The following PCDHGA9 variants were observed in gnomAD, a reference collection of about 807,000 sequenced individuals.
PCDHGA9 encodes protocadherin gamma subfamily A, 9.
A neutral mutation model predicts 62.5 loss-of-function variants in PCDHGA9; 37 were observed. That is an observed-to-expected ratio of 0.59 (90% CI 0.46 to 0.78). The LOEUF (loss-of-function observed/expected upper bound fraction) is 0.78, where lower values mean the gene tolerates loss of function less well. Among genes scored for constraint, PCDHGA9 ranks in the 30% least tolerant of loss-of-function variants. The pLI is 0.00. For missense variants in PCDHGA9, 1,138 were observed against 1,166.2 expected, an observed-to-expected ratio of 0.98 and a Z score of 0.35; for synonymous variants, 459 against 484.6, an observed-to-expected ratio of 0.95 and a Z score of 0.69.
intron 3 of PCDHGA9, chr5:141,506,958 A>C (rs529190059): frequency 1.6e-3 from 239 of 152,280 alleles, no homozygotes; most frequent in African/African-American, 5.5e-3. Flanking sequence ...GAATCCTCTC[A>C]ATAGCTCTGC....
In PCDHGA9 at chr5:141,476,303, G is replaced by T. The variant is rs747567754; in HGVS notation, c.2425-18504G>T. ...TGGTTTGGATCTCGGTAGCCTCTCA[G>T]CCCGCAGGTTCCGGGTGGTGTCTGG... is the stretch of plus-strand genomic sequence containing the variant. On this transcript the variant is annotated intron_variant, in intron 1 of 3. Coordinates refer to ENST00000573521, the MANE Select transcript of PCDHGA9 (RefSeq NM_018921.3). The surrounding 1 kb of genome is among the most constrained non-coding windows in gnomAD (Gnocchi z 7.6). 6.2e-7 allele frequency: 1 copy of T among 1,613,872 alleles called. No individual in the cohort carries two copies. Among genetic ancestry groups the T allele is most frequent in the Admixed American group, 1.7e-5 (1 of 60,000 alleles).
intron 1 of PCDHGA9, among the ~76,000 whole-genome samples, chr5:141,482,179 G>A (rs1398839482): frequency 6.6e-6 from 1 of 152,040 alleles, no homozygotes; most frequent in Non-Finnish European, 1.5e-5. Flanking sequence ...AAGGCTTTAC[G>A]ATGCTCCAGT....
intron 1 of PCDHGA9, among the ~76,000 whole-genome samples, chr5:141,466,558 C>T (rs1407160827): frequency 6.6e-6 from 1 of 152,120 alleles, no homozygotes; most frequent in Non-Finnish European, 1.5e-5. Flanking sequence ...CTGTGGGCTT[C>T]ATCTTCAACA....
intron 1 of PCDHGA9, among the ~76,000 whole-genome samples, chr5:141,484,821 G>A (rs1367529999): frequency 6.6e-6 from 1 of 152,122 alleles, no homozygotes; most frequent in Admixed American, 6.5e-5. Context: ...CGTTGAGCGG[G>A]AGGAAGGCGA....
At chr5:141,419,620 G>A (rs776986192) in intron 1 of PCDHGA9, 9 of 1,612,304 alleles carry the variant, frequency 5.6e-6, no homozygotes, top group Non-Finnish European at 7.6e-6. Context: ...CAGGCTACCT[G>A]GTGACCAAGG....
Position 141,403,639 on chromosome 5 carries a change from T to C in PCDHGA9, c.687T>C (p.His229=), listed in dbSNP as rs377402370. Residue 229 remains histidine, a synonymous_variant, in exon 1 of 4, where the codon CAT becomes CAC. Coordinates refer to ENST00000573521, the MANE Select transcript of PCDHGA9 (RefSeq NM_018921.3). ...GTCGCTCCAGCACAGTGCGCATCCA[T>C]GTGACAGTGTTGGATACAAATGATA... ...EPRRSSTVRI[H]VTVLDTNDNA... 1.4e-4 allele frequency: 219 copies of C among 1,613,892 alleles called. 1 individual carries two copies. The East Asian group carries it at 4.5e-3, about 33-fold the overall frequency.
chr5:141,476,950 A>T lies in PCDHGA9; in HGVS notation c.2425-17857A>T, dbSNP rs1224572890. 2 of 1,614,158 alleles carry T rather than the reference A, an allele frequency of 1.2e-6. No homozygotes were observed. The highest frequency in any genetic ancestry group is 4.5e-5 in the East Asian group (2 of 44,878). ...ATCTGGATGAAGGCCCCAACGGTGA[A>T]ATTATTTACTCCTTCGGCAGCCACA... On this transcript the variant is annotated intron_variant, in intron 1 of 3. Transcript: ENST00000573521. The surrounding 1 kb of genome is among the most constrained non-coding windows in gnomAD (Gnocchi z 7.6).
rs2099629299 is a variant in PCDHGA9, at chr5:141,486,426, A to G, written c.2425-8381A>G. ...GCTGGACCCTTGGATCGAGAGGCCA[A>G]ATCTAGCTATGACATCATGGTCACT... On this transcript the variant is annotated intron_variant, in intron 1 of 3. Transcript: ENST00000573521. The surrounding 1 kb of genome is among the most constrained non-coding windows in gnomAD (Gnocchi z 5.0). 1.9e-6 allele frequency: 3 copies of G among 1,614,190 alleles called. No individual in the cohort carries two copies. Among genetic ancestry groups the G allele is most frequent in the Non-Finnish European group, 2.5e-6 (3 of 1,180,026 alleles).
At chr5:141,428,255 G>C in intron 1 of PCDHGA9, 1 of 875,580 alleles carries the variant, frequency 1.1e-6, no homozygotes, top group Non-Finnish European at 1.8e-6. Flanking sequence ...CCAGACTTCA[G>C]TGACAGTCCT....
chr5:141,408,211 G>A (rs1285774248), intron 1 of PCDHGA9: 1 of 1,554,426 alleles, frequency 6.4e-7, no homozygotes, highest in South Asian at 1.2e-5. Flanking sequence ...CGATGGGAGG[G>A]AGCTGCGCGC....
At chr5:141,427,923 C>T (rs2097089935) in intron 1 of PCDHGA9, 3 of 1,580,656 alleles carry the variant, frequency 1.9e-6, no homozygotes, top group African/African-American at 1.3e-5. Context: ...CATGAGCCGG[C>T]GCATGTTGGT....
intron 1 of PCDHGA9, among the ~76,000 whole-genome samples, chr5:141,406,226 A>G (rs888434232): frequency 4.6e-5 from 7 of 152,108 alleles, no homozygotes; most frequent in African/African-American, 1.7e-4. Flanking sequence ...TGGGAGGGCT[A>G]GCAAGCTATG....
intron 1 of PCDHGA9, among the ~76,000 whole-genome samples, chr5:141,433,534 C>T (rs2097618995): frequency 6.6e-6 from 1 of 152,088 alleles, no homozygotes; most frequent in Admixed American, 6.5e-5. Context: ...GTGCCCCGCC[C>T]TTATCAGATA....
rs900884760 is a variant in PCDHGA9, at chr5:141,414,031, C to T, written c.2424+8655C>T. ...CAATGGAGAAGTGACATATTCATTC[C>T]GAAAATTACCTGACACGCAATTGTT... On this transcript the variant is annotated intron_variant, in intron 1 of 3. Coordinates refer to ENST00000573521, the MANE Select transcript of PCDHGA9 (RefSeq NM_018921.3). 4 of 1,611,858 alleles carry T rather than the reference C, an allele frequency of 2.5e-6. No homozygotes were observed. The Admixed American group carries it at 6.7e-5, about 27-fold the overall frequency.
intron 3 of PCDHGA9, among the ~76,000 whole-genome samples, chr5:141,506,444 CA>C (rs1219684339): frequency 0.54 from 51,660 of 95,006 alleles, 10,715 homozygotes; most frequent in African/African-American, 0.61. Context: ...CGCTCTGTCT[CA>C]AAAAAAAAAA....
rs769187557 is a variant in PCDHGA9, at chr5:141,433,087, A to C, written c.2424+27711A>C. 2.5e-6 allele frequency: 4 copies of C among 1,614,206 alleles called. No homozygotes were observed. In the Admixed American group the frequency reaches 6.7e-5, roughly 27 times the overall value. On this transcript the variant is annotated intron_variant, in intron 1 of 3. Transcript: ENST00000573521. The stretch of plus-strand genomic sequence containing the variant: ...TGATCTTCCCCCAGCCCAACTATGC[A>C]GACATGCTCGTCAGCCAGGAGAGCT...
chr5:141,413,725 C>A, intron 1 of PCDHGA9: 1 of 1,613,546 alleles, frequency 6.2e-7, no homozygotes, highest in Non-Finnish European at 8.5e-7. Flanking sequence ...GCACTTCTCC[C>A]TAAGAGTTCA....
chr5:141,403,092 A>G lies in PCDHGA9; in HGVS notation c.140A>G (p.Asn47Ser), dbSNP rs764199669. The G allele has an allele frequency of 6.2e-7, 1 of 1,614,086 alleles. No individual in the cohort carries two copies. The highest frequency in any genetic ancestry group is 2.2e-5 in the East Asian group (1 of 44,886). ...EETEKGYIVG[N>S]ISKDLALEPR... is the part of the protein sequence containing the mutation. ...ACAGAAAAGGGCTATATTGTGGGCA[A>G]CATCTCCAAGGACCTGGCTCTGGAG... The change falls in exon 1 of 4, where the codon AAC becomes AGC. Residue 47 changes from asparagine (N) to serine (S), a missense_variant. Physicochemically the swap from Asn to Ser is conservative, Grantham distance 46. Coordinates refer to ENST00000573521, the MANE Select transcript of PCDHGA9 (RefSeq NM_018921.3).
intron 1 of PCDHGA9, chr5:141,408,156 T>C: frequency 6.6e-7 from 1 of 1,512,436 alleles, no homozygotes; most frequent in Non-Finnish European, 8.9e-7. Context: ...TAGAGTGCAC[T>C]TTCTCCAACT....
Sources: allele counts gnomAD v4.1 joint callset (sites outside exome capture counted in the v4.1 genomes callset), GRCh38; gene constraint gnomAD v4.1.1; non-coding constraint Gnocchi (gnomAD v3.1); transcripts MANE v1.5; gene names NCBI Gene and HGNC (gene_info 2026-07-23, HGNC 2026-07-21).